The following ST6GALNAC3 variants were observed in gnomAD, a reference collection of about 807,000 sequenced individuals.
ST6GALNAC3 encodes the protein alpha-N-acetylgalactosaminide alpha-2,6-sialyltransferase 3.
In ST6GALNAC3, 25 loss-of-function variants were observed where a neutral mutation model predicts 32.7. That is an observed-to-expected ratio of 0.76 (90% CI 0.56 to 1.07). The LOEUF (loss-of-function observed/expected upper bound fraction) is 1.07, where lower values mean the gene tolerates loss of function less well. ST6GALNAC3 is among the 50% of genes least tolerant of loss of function. ST6GALNAC3 has a pLI of 0.00. For synonymous variants in ST6GALNAC3, 129 were observed against 133.1 expected (o/e 0.97, Z 0.21); for missense variants, 355 against 382.4 (o/e 0.93, Z 0.60).
intron 1 of ST6GALNAC3, among the ~76,000 whole-genome samples, chr1:76,076,667 G>A (rs1029771973): frequency 2.6e-5 from 4 of 152,120 alleles, no homozygotes; most frequent in Admixed American, 6.5e-5. Context: ...ATAATAATAA[G>A]TGCAGTTTGG....
At chr1:76,523,296 A>T (rs315086) in intron 3 of ST6GALNAC3, among the ~76,000 whole-genome samples, 1 of 151,714 alleles carries the variant, frequency 6.6e-6, no homozygotes, top group South Asian at 2.1e-4. Context: ...CATTTTTTTT[A>T]TAATGTTTGT....
chr1:76,328,943 A>AT (rs1242274062), intron 2 of ST6GALNAC3, among the ~76,000 whole-genome samples: 2 of 151,968 alleles, frequency 1.3e-5, no homozygotes, highest in Non-Finnish European at 2.9e-5. Flanking sequence ...TTTATTTTTT[A>AT]TTTTTTTAGG....
intron 1 of ST6GALNAC3, among the ~76,000 whole-genome samples, chr1:76,310,476 C>T (rs779207602): frequency 2.0e-4 from 31 of 152,072 alleles, no homozygotes; most frequent in Non-Finnish European, 4.0e-4. Context: ...ATTAGGCTGG[C>T]GAGATGGAGG....
At chr1:76,131,036 GATACCCAGATGGGGT>G (rs2100865195) in intron 1 of ST6GALNAC3, among the ~76,000 whole-genome samples, 1 of 152,336 alleles carries the variant, frequency 6.6e-6, no homozygotes, top group Admixed American at 6.5e-5. Context: ...GGGCCAGAAG[GATACCCAGATGGGGT>G]ATGTGTTGTC....
intron 1 of ST6GALNAC3, among the ~76,000 whole-genome samples, chr1:76,250,804 CA>C (rs35578176): frequency 0.19 from 28,236 of 152,126 alleles, 2,886 homozygotes; most frequent in Non-Finnish European, 0.23. Flanking sequence ...AATACACATA[CA>C]AAATAATTAG....
chr1:76,109,218 C>CA (rs1241669451), intron 1 of ST6GALNAC3, among the ~76,000 whole-genome samples: 1 of 152,112 alleles, frequency 6.6e-6, no homozygotes, highest in Non-Finnish European at 1.5e-5. Flanking sequence ...TGACAGGTTA[C>CA]AAAAGAGTAG....
intron 3 of ST6GALNAC3, among the ~76,000 whole-genome samples, chr1:76,461,459 A>G (rs1658274563): frequency 6.6e-6 from 1 of 152,212 alleles, no homozygotes; most frequent in African/African-American, 2.4e-5. Flanking sequence ...TTCAGATGAC[A>G]GTGTTAAAAC....
chr1:76,283,635 A>G (rs1659620912), intron 1 of ST6GALNAC3, among the ~76,000 whole-genome samples: 1 of 152,214 alleles, frequency 6.6e-6, no homozygotes, highest in South Asian at 2.1e-4. Flanking sequence ...TTGAAAGGTT[A>G]ACACTATTCA....
intron 2 of ST6GALNAC3, among the ~76,000 whole-genome samples, chr1:76,342,064 A>G (rs1369901787): frequency 6.6e-6 from 1 of 152,096 alleles, no homozygotes; most frequent in Non-Finnish European, 1.5e-5. Context: ...GCTGCATAGT[A>G]TTCCATGGAG....
At chr1:76,179,161 A>G (rs1190135297) in intron 1 of ST6GALNAC3, among the ~76,000 whole-genome samples, 2 of 152,226 alleles carry the variant, frequency 1.3e-5, no homozygotes, top group African/African-American at 4.8e-5. Context: ...AGGACTGGAC[A>G]CACAAGATGG....
intron 3 of ST6GALNAC3, among the ~76,000 whole-genome samples, chr1:76,500,232 C>T (rs1166731640): frequency 2.0e-5 from 3 of 152,156 alleles, no homozygotes; most frequent in Non-Finnish European, 4.4e-5. Flanking sequence ...GAATACTTCA[C>T]ATACATTTTT....
intron 3 of ST6GALNAC3, among the ~76,000 whole-genome samples, chr1:76,434,662 T>TA (rs1656005147): frequency 6.6e-6 from 1 of 152,186 alleles, no homozygotes; most frequent in Non-Finnish European, 1.5e-5. Context: ...AACTATTTTT[T>TA]ATTGTCATAT....
chr1:76,231,037 A>G (rs1656332664), intron 1 of ST6GALNAC3, among the ~76,000 whole-genome samples: 1 of 152,154 alleles, frequency 6.6e-6, no homozygotes, highest in Admixed American at 6.5e-5. Flanking sequence ...TTGACTTTCT[A>G]TGGTGAATAA....
intron 1 of ST6GALNAC3, among the ~76,000 whole-genome samples, chr1:76,259,024 C>A (rs1658078800): frequency 6.6e-6 from 1 of 152,104 alleles, no homozygotes; most frequent in African/African-American, 2.4e-5. Context: ...ATTCTCCCTA[C>A]CTTCTCAATT....
intron 1 of ST6GALNAC3, among the ~76,000 whole-genome samples, chr1:76,149,441 A>G (rs988137681): frequency 2.0e-5 from 3 of 152,224 alleles, no homozygotes; most frequent in Non-Finnish European, 4.4e-5. Context: ...GAAGGGCTTT[A>G]GGATAATCCC....
At chr1:76,421,348 G>GGGC (rs1183016964) in intron 3 of ST6GALNAC3, among the ~76,000 whole-genome samples, 1 of 151,996 alleles carries the variant, frequency 6.6e-6, no homozygotes, top group African/African-American at 2.4e-5. Flanking sequence ...TTTTGTGATT[G>GGGC]GGCACTGGGT....
At chr1:76,342,407 G>A (rs570757630) in intron 2 of ST6GALNAC3, among the ~76,000 whole-genome samples, 52 of 151,944 alleles carry the variant, frequency 3.4e-4, no homozygotes, top group Non-Finnish European at 5.9e-4. Context: ...CCATTCTAAC[G>A]GCATGAGATG....
chr1:76,194,534 G>A (rs1654087694), intron 1 of ST6GALNAC3, among the ~76,000 whole-genome samples: 1 of 151,892 alleles, frequency 6.6e-6, no homozygotes, highest in South Asian at 2.1e-4. Context: ...ATATATTTAT[G>A]AAAAATAATT....
intron 2 of ST6GALNAC3, among the ~76,000 whole-genome samples, chr1:76,378,428 A>C (rs1475450453): frequency 2.0e-5 from 3 of 152,132 alleles, no homozygotes; most frequent in Admixed American, 6.5e-5. Context: ...TTGGGAGGCC[A>C]AGGTGGGCAG....
Sources: allele counts gnomAD v4.1 joint callset (sites outside exome capture counted in the v4.1 genomes callset), GRCh38; gene constraint gnomAD v4.1.1; transcripts MANE v1.5; gene names NCBI Gene and HGNC (gene_info 2026-07-23, HGNC 2026-07-21).